Variants in TCF25 observed in about 807,000 individuals in gnomAD.
TCF25 encodes ribosome quality control complex subunit TCF25.
TCF25 carries 41 observed loss-of-function variants against 83.1 expected under a neutral mutation model. The observed-to-expected ratio is 0.49, with a 90% confidence interval of 0.38 to 0.64. The LOEUF (loss-of-function observed/expected upper bound fraction) is 0.64. TCF25 is among the 30% of genes least tolerant of loss of function. The pLI is 0.00. For missense variants in TCF25, 979 were observed against 914.5 expected (o/e 1.07, Z -0.91); for synonymous variants, 458 against 365.0 (o/e 1.25, Z -2.90).
At chr16:89,893,646 C>T in intron 6 of TCF25, 82 bp from the exon 7 acceptor site, 3 of 1,603,174 alleles carry the variant, frequency 1.9e-6, no homozygotes, top group South Asian at 2.2e-5. Flanking sequence ...TCATCCAGAA[C>T]ACCACGAAGG....
chr16:89,888,840 ATTTT>A, intron 5 of TCF25, among the ~76,000 whole-genome samples: 1 of 109,900 alleles, frequency 9.1e-6, no homozygotes, highest in South Asian at 3.0e-4. Context: ...CGCCCAGCTA[ATTTT>A]TTTTTTTTTT....
In TCF25 at chr16:89,885,842, T is replaced by A. The variant is rs770427241; in HGVS notation, c.430-6T>A. ...GGTGATTAAGAGGTTGTTTTGGGGC[T>A]TTTAGGAAAACGGACTAGAAGATAT... On this transcript the variant is annotated splice_polypyrimidine_tract_variant and splice_region_variant and intron_variant, in intron 3 of 17. Transcript: ENST00000263346. 5 of 1,601,884 alleles carry A rather than the reference T, an allele frequency of 3.1e-6. No individual in the cohort carries two copies. In the South Asian group the frequency reaches 4.4e-5, roughly 14 times the overall value.
chr16:89,881,882 G>A (rs2042636494), intron 1 of TCF25, among the ~76,000 whole-genome samples: 1 of 152,084 alleles, frequency 6.6e-6, no homozygotes, highest in South Asian at 2.1e-4. Flanking sequence ...GGCCTCCCGA[G>A]TAGCTGGGAT....
At chr16:89,902,559 G>A (rs1042128234) in intron 12 of TCF25, among the ~76,000 whole-genome samples, 3 of 148,148 alleles carry the variant, frequency 2.0e-5, no homozygotes, top group South Asian at 2.1e-4. Flanking sequence ...CGTGTTGGCC[G>A]GCACCTGTAG....
Position 89,885,913 on chromosome 16 carries a change from T to C in TCF25, c.495T>C (p.Arg165=), listed in dbSNP as rs771664150. The stretch of plus-strand genomic sequence containing the variant: ...TTGAGGACAGCACTGGGTTGAACCG[T>C]CCCGGCCCAGCTCCCCTGAGCTCCA... The part of the protein sequence containing the change: ...ERIEDSTGLN[R]PGPAPLSSRK... Residue 165 remains arginine, a synonymous_variant, in exon 4 of 18, where the codon CGT becomes CGC. Coordinates refer to ENST00000263346, the MANE Select transcript of TCF25 (RefSeq NM_014972.3). 48 of 1,608,612 alleles carry C rather than the reference T, an allele frequency of 3.0e-5. No homozygotes were observed. Among genetic ancestry groups the C allele is most frequent in the Non-Finnish European group, 4.1e-5 (48 of 1,177,440 alleles).
intron 1 of TCF25, chr16:89,878,476 T>C: frequency 1.6e-6 from 2 of 1,238,266 alleles, no homozygotes; most frequent in Admixed American, 3.1e-5. Context: ...ATGGACATTT[T>C]CCTCTCCCCC....
rs141265522 is a variant in TCF25 at position 89,882,784 on chromosome 16, G to A, written c.193-567G>A. Among the ~76,000 whole-genome samples the A allele has an allele frequency of 3.4e-3, 523 of 152,164 alleles. 2 individuals are homozygous for A. Among genetic ancestry groups the A allele is most frequent in the African/African-American group, 0.012 (500 of 41,524 alleles). On this transcript the variant is annotated intron_variant, in intron 1 of 17. Transcript: ENST00000263346. Reference sequence around the variant, plus strand: ...GTGTTTTTAGTAGAGACAGGGTTTCGCCATGTTGGCCAGGCTGGTCTTGAA... The same window carrying A: ...GTGTTTTTAGTAGAGACAGGGTTTCACCATGTTGGCCAGGCTGGTCTTGAA...
At chr16:89,908,661 G>A (rs867211938) in intron 16 of TCF25, among the ~76,000 whole-genome samples, 1 of 6,994 alleles carries the variant, frequency 1.4e-4, no homozygotes, top group African/African-American at 8.1e-4. Context: ...CCACCTCCCA[G>A]CTCCCACCTC....
intron 6 of TCF25, among the ~76,000 whole-genome samples, chr16:89,892,740 T>C (rs535106276): frequency 6.6e-6 from 1 of 151,792 alleles, no homozygotes; most frequent in African/African-American, 2.4e-5. Flanking sequence ...AGGCATGGAG[T>C]GTTGGGTGCT....
rs750127725 is a variant in TCF25, at chr16:89,900,663, A to C, written c.1250A>C (p.Asn417Thr). The part of the protein sequence containing the change: ...EAHRNLSQLP[N>T]FAFSVPLAYF... ...CATCGGAACCTGTCCCAGCTCCCTAATTTTGCCTTCTCTGTTCCACTGGCG... is the reference window on the plus strand; with the variant it reads ...CATCGGAACCTGTCCCAGCTCCCTACTTTTGCCTTCTCTGTTCCACTGGCG... The change falls in exon 12 of 18, where the codon AAT becomes ACT. Residue 417 changes from asparagine to threonine, a missense_variant. Coordinates refer to ENST00000263346, the MANE Select transcript of TCF25 (RefSeq NM_014972.3). The C allele has an allele frequency of 6.3e-7, 1 of 1,597,444 alleles. No individual in the cohort carries two copies.
chr16:89,901,516 T>C lies in TCF25; in HGVS notation c.1381+722T>C, dbSNP rs113169555. On this transcript the variant is annotated intron_variant, in intron 12 of 17. Coordinates refer to ENST00000263346, the MANE Select transcript of TCF25 (RefSeq NM_014972.3). Reference sequence around the variant, plus strand: ...ATCCTAGCACTTTGGGAGGCCGAGGTGGGCGGATCACGAGGTCAGGAGATC... The same window carrying C: ...ATCCTAGCACTTTGGGAGGCCGAGGCGGGCGGATCACGAGGTCAGGAGATC... Among the ~76,000 whole-genome samples, 8 of 135,080 alleles carry C rather than the reference T, an allele frequency of 5.9e-5. 1 individual carries two copies. The highest frequency in any genetic ancestry group is 2.2e-4 in the Admixed American group (3 of 13,588). 88.6% of individuals were successfully genotyped at this position (135,080 alleles called of 152,430 possible).
In TCF25 at chr16:89,899,011, G is replaced by C. The variant is rs2044111843; in HGVS notation, c.1221+139G>C. Reference sequence around the variant, plus strand: ...TCTGAGGGCAGAACCACGTCCTCCTGCCTTGTTTGTCTCCCTTGCCGCCTC... The same window carrying C: ...TCTGAGGGCAGAACCACGTCCTCCTCCCTTGTTTGTCTCCCTTGCCGCCTC... On this transcript the variant is annotated intron_variant, in intron 11 of 17. Coordinates refer to ENST00000263346, the MANE Select transcript of TCF25 (RefSeq NM_014972.3). The C allele has an allele frequency of 4.9e-6, 4 of 813,314 alleles. No homozygotes were observed. The South Asian group carries it at 6.3e-5, about 13-fold the overall frequency. The allele number at this position is 813,314 out of a possible 1,614,324, so 50.4% of individuals were successfully genotyped here.
chr16:89,886,581 G>A (rs2043034915), intron 4 of TCF25, among the ~76,000 whole-genome samples: 1 of 151,978 alleles, frequency 6.6e-6, no homozygotes. Flanking sequence ...TGACCAAGAT[G>A]GAGAAACCCC....
At position 89,884,652 on chromosome 16, in the gene TCF25, C is replaced by T. The variant is rs1310951957; in HGVS notation, c.425C>T (p.Ala142Val). The change falls in exon 3 of 18, where the codon GCA (alanine) becomes GTA (valine). Residue 142 changes from alanine (A) to valine (V), a missense_variant. Ala to Val is a moderately conservative substitution (Grantham distance 64, BLOSUM62 0). Coordinates refer to ENST00000263346, the MANE Select transcript of TCF25 (RefSeq NM_014972.3). ...AACAAGAAAAGCAGCACGGGAGAAG[C>T]ATCGGTACGTGAGTTGGGCCTGGCT... is the stretch of plus-strand genomic sequence containing the variant. ...QKNKKSSTGEASENGLEDIDR... is the reference protein window; with the variant it reads ...QKNKKSSTGEVSENGLEDIDR... 8 of 1,612,006 alleles carry T rather than the reference C, an allele frequency of 5.0e-6. No homozygotes were observed. The highest frequency in any genetic ancestry group is 2.2e-5 in the East Asian group (1 of 44,806).
At chr16:89,910,831 CTG>C (rs1567750900) in intron 17 of TCF25, among the ~76,000 whole-genome samples, 168 bp downstream of exon 17, 1 of 152,250 alleles carries the variant, frequency 6.6e-6, no homozygotes, top group Admixed American at 6.5e-5. Context: ...GCCGGGGAAA[CTG>C]GGGCCTGCCC....
intron 16 of TCF25, among the ~76,000 whole-genome samples, chr16:89,907,887 CCCAG>C (rs2045055845): frequency 8.3e-6 from 1 of 121,142 alleles, no homozygotes; most frequent in African/African-American, 4.8e-5. Flanking sequence ...GTTCCCACCT[CCCAG>C]CTCCCGCCTC....
intron 17 of TCF25, 23 bp downstream of exon 17, chr16:89,910,686 C>G: frequency 6.2e-7 from 1 of 1,612,174 alleles, no homozygotes; most frequent in Non-Finnish European, 8.5e-7. Context: ...CGTCCCAGCC[C>G]CTGCCTCCCC....
At chr16:89,895,926 G>C in intron 8 of TCF25, 64 bp from the exon 9 acceptor site, 1 of 1,441,920 alleles carries the variant, frequency 6.9e-7, no homozygotes, top group African/African-American at 1.4e-5. Context: ...TCCATTATCA[G>C]AGGAGGGGCC....
rs770748855 is a variant in TCF25 at position 89,883,377 on chromosome 16, C to T, written c.219C>T (p.Asp73=). 4 of 1,613,974 alleles carry T rather than the reference C, an allele frequency of 2.5e-6. No homozygotes were observed. The Admixed American group carries it at 6.7e-5, about 27-fold the overall frequency. The change falls in exon 2 of 18, where the codon GAC becomes GAT. Residue 73 remains aspartate (D), a synonymous_variant. Transcript: ENST00000263346. ...ELINIDDLED[D]PVVNGERSGC... is the part of the protein sequence containing the mutation. Reference sequence around the variant, plus strand: ...TAAACATTGACGATCTTGAGGATGACCCTGTGGTGAACGGGGAGAGGTCTG... The same window carrying T: ...TAAACATTGACGATCTTGAGGATGATCCTGTGGTGAACGGGGAGAGGTCTG...
Sources: allele counts gnomAD v4.1 joint callset (sites outside exome capture counted in the v4.1 genomes callset), GRCh38; gene constraint gnomAD v4.1.1; transcripts MANE v1.5; gene names NCBI Gene and HGNC (gene_info 2026-07-23, HGNC 2026-07-21).